FRMD5: variants seen among roughly 807,000 people sequenced by gnomAD.
FRMD5 encodes FERM domain-containing protein 5.
In FRMD5, 20 loss-of-function variants were observed where a neutral mutation model predicts 69.0. The ratio of observed to expected loss-of-function variants is 0.29; its 90% CI spans 0.20 to 0.42. The LOEUF is 0.42. Ranked by LOEUF, FRMD5 falls within the 10% of genes least tolerant of loss-of-function variation. The pLI is 1.00. For synonymous variants in FRMD5, 271 were observed against 260.1 expected, an observed-to-expected ratio of 1.04 and a Z score of -0.40; for missense variants, 595 against 708.6, an observed-to-expected ratio of 0.84 and a Z score of 1.82.
chr15:43,893,128 C>CAAAAAAAAAAAAAAAAA (rs397957563), intron 7 of FRMD5, among the ~76,000 whole-genome samples: 3 of 117,444 alleles, frequency 2.6e-5, no homozygotes, highest in Non-Finnish European at 1.9e-5. Context: ...AACGAAAAAA[C>CAAAAAAAAAAAAAAAAA]AAAAAAAAAA....
upstream of FRMD5, among the ~76,000 whole-genome samples, chr15:44,199,325 C>T (rs1195207816): frequency 6.6e-6 from 1 of 152,202 alleles, no homozygotes; most frequent in Admixed American, 6.5e-5. Context: ...AGATACAGGC[C>T]TGGCCTTACT....
At chr15:44,198,100 A>G (rs1347085421), upstream of FRMD5, among the ~76,000 whole-genome samples, 1 of 152,296 alleles carries the variant, frequency 6.6e-6, no homozygotes, top group African/African-American at 2.4e-5. Context: ...GCTTGAGCTC[A>G]GGATTTCAAG....
chr15:43,906,690 C>T (rs1291455139), intron 5 of FRMD5, among the ~76,000 whole-genome samples: 1 of 151,254 alleles, frequency 6.6e-6, no homozygotes, highest in African/African-American at 2.5e-5. Context: ...CAAGCTCCGA[C>T]TCCTGGGTTC....
Position 44,173,522 on chromosome 15 carries a change from C to T in FRMD5, c.102+21431G>A, listed in dbSNP as rs144451330. ...CAAATATAAGGAAGAAAAAAATATA[C>T]ATATTTTTTTCTTGAGACAGAGTCC... On this transcript the variant is annotated intron_variant, in intron 1 of 13. Coordinates refer to ENST00000417257, the MANE Select transcript of FRMD5 (RefSeq NM_032892.5). Among the ~76,000 whole-genome samples, 1,331 of 152,020 alleles carry T rather than the reference C, an allele frequency of 8.8e-3. 14 individuals are homozygous for T. The highest frequency in any genetic ancestry group is 0.014 in the African/African-American group (598 of 41,468).
At chr15:44,092,415 A>T (rs2076485884) in intron 1 of FRMD5, among the ~76,000 whole-genome samples, 2 of 152,196 alleles carry the variant, frequency 1.3e-5, no homozygotes, top group South Asian at 4.1e-4. Context: ...ACGAAGTCAC[A>T]AATATTTCTT....
chr15:43,908,690 T>C (rs1460094125), intron 5 of FRMD5, among the ~76,000 whole-genome samples: 1 of 152,162 alleles, frequency 6.6e-6, no homozygotes, highest in Non-Finnish European at 1.5e-5. Flanking sequence ...TAAGTGTCTC[T>C]GCATCTCAGG....
At chr15:44,152,916 C>T (rs533104694) in intron 1 of FRMD5, among the ~76,000 whole-genome samples, 4 of 150,946 alleles carry the variant, frequency 2.6e-5, no homozygotes, top group African/African-American at 9.7e-5. Context: ...CTTGAATAGA[C>T]ATTTCTTCAA....
chr15:44,038,909 TAGAGCCGAGCAAGCTAAG>T (rs1165054106), intron 1 of FRMD5, among the ~76,000 whole-genome samples: 1 of 152,124 alleles, frequency 6.6e-6, no homozygotes, highest in African/African-American at 2.4e-5. Context: ...CCCACCCCCA[TAGAGCCGAGCAAGCTAAG>T]ATCCACTGGC....
intron 1 of FRMD5, among the ~76,000 whole-genome samples, chr15:43,945,803 A>G (rs2089937289): frequency 6.6e-6 from 1 of 152,300 alleles, no homozygotes; most frequent in African/African-American, 2.4e-5. Context: ...CTCACCTGTA[A>G]TCCCAGCACT....
At chr15:43,879,525 T>C in intron 13 of FRMD5, 1 of 399,062 alleles carries the variant, frequency 2.5e-6, no homozygotes, top group East Asian at 3.6e-5. Context: ...CTGATTCCCT[T>C]GCCCGGGGGT....
At chr15:44,042,299 C>A (rs1013513073) in intron 1 of FRMD5, among the ~76,000 whole-genome samples, 3 of 152,000 alleles carry the variant, frequency 2.0e-5, no homozygotes, top group African/African-American at 7.3e-5. Context: ...GCCTACCAAT[C>A]AAAAAAAGTC....
chr15:43,895,288 G>A (rs2088887817), intron 7 of FRMD5, among the ~76,000 whole-genome samples: 1 of 152,214 alleles, frequency 6.6e-6, no homozygotes. Flanking sequence ...GGAAGAGTGG[G>A]GTGATCCATG....
At chr15:43,959,665 A>C (rs2090166246) in intron 1 of FRMD5, among the ~76,000 whole-genome samples, 1 of 152,188 alleles carries the variant, frequency 6.6e-6, no homozygotes, top group South Asian at 2.1e-4. Context: ...CACTCTGTGA[A>C]TATATGATTT....
intron 1 of FRMD5, among the ~76,000 whole-genome samples, chr15:43,966,486 G>T (rs958501563): frequency 2.0e-5 from 3 of 152,016 alleles, no homozygotes; most frequent in Admixed American, 6.6e-5. Context: ...ATATTACAAA[G>T]GAATACATGA....
intron 1 of FRMD5, among the ~76,000 whole-genome samples, chr15:44,112,113 T>C (rs1278163525): frequency 6.6e-6 from 1 of 152,072 alleles, no homozygotes; most frequent in African/African-American, 2.4e-5. Context: ...AAAGTGCTGA[T>C]ATTACAGGCG....
At position 43,905,853 on chromosome 15, in the gene FRMD5, C is replaced by T. The variant is rs751221501; in HGVS notation, c.526G>A (p.Ala176Thr). Reference protein sequence around the residue: ...KHSEKLERKIAEIHKTELSGQ... With the variant: ...KHSEKLERKITEIHKTELSGQ... Reference sequence around the variant, plus strand: ...CTCAGTTCCGTCTTGTGAATCTCAGCAATTTTCCTTTCCAGCTTCTCTGAA... The same window carrying T: ...CTCAGTTCCGTCTTGTGAATCTCAGTAATTTTCCTTTCCAGCTTCTCTGAA... The change falls in exon 6 of 14, where the codon GCT becomes ACT. Residue 176 changes from alanine to threonine, a missense_variant. By Grantham distance (58) the Ala-to-Thr change is moderately conservative. Around this residue, in one of 5 missense-constraint regions of FRMD5, gnomAD observed 51 missense variants for 41.7 expected, o/e 1.22. Transcript: ENST00000417257. 3 of 1,614,122 alleles carry T rather than the reference C, an allele frequency of 1.9e-6. No homozygotes were observed. The African/African-American group carries it at 4.0e-5, about 22-fold the overall frequency.
intron 1 of FRMD5, among the ~76,000 whole-genome samples, chr15:44,100,792 G>A (rs538546873): frequency 3.3e-5 from 5 of 152,230 alleles, no homozygotes; most frequent in African/African-American, 4.8e-5. Context: ...CGGTTTTTCT[G>A]AATTCTTTTT....
intron 1 of FRMD5, among the ~76,000 whole-genome samples, chr15:44,110,047 T>C (rs2076775688): frequency 6.6e-6 from 1 of 152,240 alleles, no homozygotes; most frequent in African/African-American, 2.4e-5. Context: ...ACTTTGTGTA[T>C]TTACTGTAAA....
intron 1 of FRMD5, among the ~76,000 whole-genome samples, chr15:44,066,847 A>G (rs938299555): frequency 1.3e-5 from 2 of 152,160 alleles, no homozygotes; most frequent in Non-Finnish European, 2.9e-5. Context: ...AAAGGGAAGG[A>G]GTCAGAGAGG....
Sources: gnomAD v4.1 joint callset for allele counts (sites outside exome capture counted in the v4.1 genomes callset) on GRCh38, gnomAD v4.1.1 for gene constraint, gnomAD v4.1.1 regional missense constraint, MANE v1.5 for transcripts, NCBI Gene and HGNC (gene_info 2026-07-23, HGNC 2026-07-21) for gene names.